Variants in TYW1 observed in about 807,000 individuals in gnomAD.
TYW1 encodes S-adenosyl-L-methionine-dependent tRNA 4-demethylwyosine synthase TYW1.
A neutral mutation model predicts 96.2 loss-of-function variants in TYW1; 46 were observed. The ratio of observed to expected loss-of-function variants is 0.48; its 90% CI spans 0.38 to 0.61. The LOEUF (loss-of-function observed/expected upper bound fraction) is 0.61, where lower values mean the gene tolerates loss of function less well. Among genes scored for constraint, TYW1 ranks in the 20% least tolerant of loss-of-function variants. The pLI, the probability that TYW1 is intolerant of heterozygous loss-of-function variation, is 0.00. For missense variants in TYW1, 684 were observed against 909.6 expected, an observed-to-expected ratio of 0.75 and a Z score of 3.19; for synonymous variants, 274 against 323.0, an observed-to-expected ratio of 0.85 and a Z score of 1.63.
At chr7:67,180,852 C>G (rs1343837692) in intron 13 of TYW1, among the ~76,000 whole-genome samples, 1 of 152,100 alleles carries the variant, frequency 6.6e-6, no homozygotes, top group Non-Finnish European at 1.5e-5. Context: ...CCACGTTGAC[C>G]AGGCTGGCCT....
At chr7:67,134,877 G>A (rs1434337720) in intron 13 of TYW1, among the ~76,000 whole-genome samples, 1 of 148,690 alleles carries the variant, frequency 6.7e-6, no homozygotes, top group Non-Finnish European at 1.5e-5. Flanking sequence ...GGAGGCCAAG[G>A]TGGGAGGATT....
At chr7:67,206,622 CATAAATAAATAA>C (rs10622608) in intron 15 of TYW1, among the ~76,000 whole-genome samples, 12,732 of 143,406 alleles carry the variant, frequency 0.089, 625 homozygotes, top group South Asian at 0.11. Context: ...CTGTCTCAAA[CATAAATAAATAA>C]ATAAATAAAT....
At chr7:67,020,840 C>T (rs534024252) in intron 6 of TYW1, among the ~76,000 whole-genome samples, 14 of 152,398 alleles carry the variant, frequency 9.2e-5, no homozygotes, top group African/African-American at 3.4e-4. Context: ...CCAGCCTGAC[C>T]AACATGGTGA....
intron 9 of TYW1, among the ~76,000 whole-genome samples, chr7:67,062,566 CA>C (rs56770876): frequency 7.7e-4 from 69 of 89,150 alleles, no homozygotes; most frequent in East Asian, 1.7e-3. Context: ...GACTCCGTCT[CA>C]AAAAAAAAAA....
chr7:67,004,696 T>A (rs1318031094), intron 3 of TYW1, among the ~76,000 whole-genome samples: 1 of 152,088 alleles, frequency 6.6e-6, no homozygotes, highest in Non-Finnish European at 1.5e-5. Context: ...CCTGAAAGGA[T>A]CTTGTTTCTC....
At chr7:67,166,183 G>T (rs1799315813) in intron 13 of TYW1, among the ~76,000 whole-genome samples, 1 of 150,952 alleles carries the variant, frequency 6.6e-6, no homozygotes, top group Non-Finnish European at 1.5e-5. Context: ...CCAGGAGTTT[G>T]AATTCCAGGT....
intron 13 of TYW1, among the ~76,000 whole-genome samples, chr7:67,164,631 C>T (rs1799265307): frequency 6.6e-6 from 1 of 151,046 alleles, no homozygotes; most frequent in Middle Eastern, 3.4e-3. Flanking sequence ...AAAAAGTTAC[C>T]CCTTGTCAAC....
At chr7:67,023,036 T>C (rs1794327686) in intron 6 of TYW1, among the ~76,000 whole-genome samples, 1 of 152,206 alleles carries the variant, frequency 6.6e-6, no homozygotes, top group African/African-American at 2.4e-5. Context: ...TCTGCTATAC[T>C]GTGGGGCATA....
chr7:67,150,149 C>T (rs1018491642), intron 13 of TYW1, among the ~76,000 whole-genome samples: 3 of 152,026 alleles, frequency 2.0e-5, no homozygotes, highest in Non-Finnish European at 2.9e-5. Flanking sequence ...TTCCTCCTAG[C>T]GTAAAGGCAG....
At chr7:67,015,747 G>A (rs1464877525) in intron 5 of TYW1, among the ~76,000 whole-genome samples, 1 of 152,142 alleles carries the variant, frequency 6.6e-6, no homozygotes, top group African/African-American at 2.4e-5. Context: ...CGGATCACGA[G>A]GTCAGGAGAT....
Position 67,239,239 on chromosome 7 carries a change from G to A in TYW1, c.*710G>A. Reference sequence around the variant, plus strand: ...AGAGGAGTGGCCATGTGAGGGCATGGAGTCATTAGTCTCACAAACACACTT... The same window carrying A: ...AGAGGAGTGGCCATGTGAGGGCATGAAGTCATTAGTCTCACAAACACACTT... On this transcript the variant is annotated 3_prime_UTR_variant, in exon 16 of 16. Transcript: ENST00000359626. 2.0e-6 allele frequency: 2 copies of A among 985,402 alleles called. No individual in the cohort carries two copies. Among genetic ancestry groups the A allele is most frequent in the Non-Finnish European group, 2.4e-6 (2 of 829,926 alleles). 61.0% of individuals were successfully genotyped at this position (985,402 alleles called of 1,614,324 possible). A position where few individuals can be genotyped will look rare whatever the true frequency, so the allele number is the denominator to read the frequency against.
At chr7:67,079,696 G>A (rs1346593871) in intron 10 of TYW1, among the ~76,000 whole-genome samples, 1 of 151,990 alleles carries the variant, frequency 6.6e-6, no homozygotes, top group African/African-American at 2.4e-5. Flanking sequence ...ATTGATATTT[G>A]AAATGATTCT....
At chr7:67,054,269 T>G (rs1035818014) in intron 8 of TYW1, among the ~76,000 whole-genome samples, 3 of 98,282 alleles carry the variant, frequency 3.1e-5, no homozygotes, top group Non-Finnish European at 6.3e-5. Flanking sequence ...CATTCTGTAA[T>G]GTACAGTTTT....
chr7:67,084,089 C>T (rs1054237207), intron 11 of TYW1, among the ~76,000 whole-genome samples: 2 of 152,156 alleles, frequency 1.3e-5, no homozygotes, highest in African/African-American at 4.8e-5. Flanking sequence ...CTGCATTCAG[C>T]CTGAAAGCTT....
At chr7:67,148,678 A>G (rs1265733024) in intron 13 of TYW1, among the ~76,000 whole-genome samples, 6 of 151,850 alleles carry the variant, frequency 4.0e-5, no homozygotes, top group Non-Finnish European at 5.9e-5. Flanking sequence ...TTATCCGCCC[A>G]CCTTGGCCTC....
At chr7:67,196,242 G>C (rs1421165009) in intron 15 of TYW1, among the ~76,000 whole-genome samples, 1 of 151,520 alleles carries the variant, frequency 6.6e-6, no homozygotes, top group Non-Finnish European at 1.5e-5. Context: ...TATAATTTCT[G>C]CTTGGTTTAT....
In TYW1 at chr7:67,088,967, T is replaced by C. The variant is rs918749282; in HGVS notation, c.1384+5428T>C. On this transcript the variant is annotated intron_variant, in intron 11 of 15. Transcript: ENST00000359626. ...AGATTTCTTGTATAAATGGCAATTA[T>C]AGTCAATTTCAAAGGCTTGAAGGCA... Among the ~76,000 whole-genome samples the C allele has an allele frequency of 6.6e-5, 10 of 152,356 alleles. No homozygotes were observed. In the East Asian group the frequency reaches 9.6e-4, roughly 15 times the overall value.
intron 12 of TYW1, among the ~76,000 whole-genome samples, chr7:67,110,252 C>A (rs529337553): frequency 2.6e-5 from 4 of 152,310 alleles, no homozygotes; most frequent in Admixed American, 1.3e-4. Flanking sequence ...AAAGCTCCAT[C>A]GTATTCCTGG....
At chr7:67,219,447 T>C (rs529635543) in intron 15 of TYW1, among the ~76,000 whole-genome samples, 2 of 152,306 alleles carry the variant, frequency 1.3e-5, no homozygotes, top group Admixed American at 1.3e-4. Context: ...TTGGAAAAGT[T>C]TGAGAAAGAT....
Sources: gnomAD v4.1 joint callset for allele counts (sites outside exome capture counted in the v4.1 genomes callset) on GRCh38, gnomAD v4.1.1 for gene constraint, MANE v1.5 for transcripts, NCBI Gene and HGNC (gene_info 2026-07-23, HGNC 2026-07-21) for gene names.